STAG3: variants seen among roughly 807,000 people sequenced by gnomAD.
The protein encoded by STAG3 is STAG3 cohesin complex component.
Under a neutral mutation model 160.7 loss-of-function variants are expected in STAG3, and 101 were observed. The ratio of observed to expected loss-of-function variants is 0.63; its 90% confidence interval spans 0.54 to 0.74. The LOEUF is 0.74. Among genes scored for constraint, STAG3 ranks in the 30% least tolerant of loss-of-function variants. STAG3 has a pLI of 0.00. For missense variants in STAG3, 1,188 were observed against 1,517.4 expected (o/e 0.78, Z 3.61); for synonymous variants, 519 against 585.0 (o/e 0.89, Z 1.63).
intron 1 of STAG3, among the ~76,000 whole-genome samples, chr7:100,178,259 G>A (rs1022840512): frequency 5.3e-5 from 8 of 152,240 alleles, no homozygotes; most frequent in Non-Finnish European, 8.8e-5. Flanking sequence ...AGGGGCAGTC[G>A]TAGATATTTT....
At chr7:100,203,920 T>G (rs1584743716) in intron 25 of STAG3, 101 bp from the exon 26 acceptor site, 2 of 746,402 alleles carry the variant, frequency 2.7e-6, no homozygotes, top group Non-Finnish European at 4.7e-6. Flanking sequence ...GTTTCCTACC[T>G]AAGGGAGTTT....
intron 4 of STAG3, among the ~76,000 whole-genome samples, chr7:100,183,605 C>T (rs1799791726): frequency 6.6e-6 from 1 of 152,192 alleles, no homozygotes; most frequent in East Asian, 1.9e-4. Context: ...CTAGCCCCAG[C>T]TCAAGAAATG....
chr7:100,216,217 G>T (rs1802737514), downstream of STAG3, among the ~76,000 whole-genome samples: 1 of 152,190 alleles, frequency 6.6e-6, no homozygotes, highest in Non-Finnish European at 1.5e-5. Flanking sequence ...CAGTCTGGAG[G>T]GGTTTGTTAT....
At position 100,213,997 on chromosome 7, in the gene STAG3, C is replaced by A. The variant is rs1360283975; in HGVS notation, c.3673-10C>A. 1.9e-6 allele frequency: 3 copies of A among 1,614,162 alleles called. No individual in the cohort carries two copies. The highest frequency in any genetic ancestry group is 2.5e-6 in the Non-Finnish European group (3 of 1,180,040). The stretch of plus-strand genomic sequence containing the variant: ...TGTCCTGTGTATTCCTTTCATCTTT[C>A]TCATTATAGGATTTCTGACAGGACT... On this transcript the variant is annotated splice_polypyrimidine_tract_variant and intron_variant, in intron 33 of 33. Transcript: ENST00000615138.
intron 5 of STAG3, 86 bp from the exon 6 acceptor site, chr7:100,188,367 T>G (rs888811230): frequency 2.1e-6 from 2 of 930,694 alleles, no homozygotes; most frequent in Non-Finnish European, 3.6e-6. Context: ...GCAGAATGTT[T>G]CCTTGCTCAT....
At chr7:100,212,223 C>G (rs1354956978) in intron 32 of STAG3, 1 of 198,662 alleles carries the variant, frequency 5.0e-6, no homozygotes, top group Admixed American at 5.4e-5. Context: ...TTCAGTGTCT[C>G]TCCCCACAAA....
At chr7:100,187,191 G>T (rs559338455) in intron 5 of STAG3, among the ~76,000 whole-genome samples, 3 of 151,864 alleles carry the variant, frequency 2.0e-5, no homozygotes, top group Admixed American at 6.6e-5. Flanking sequence ...GCCACCATAC[G>T]TGGCTAATTT....
intron 26 of STAG3, among the ~76,000 whole-genome samples, 164 bp downstream of exon 26, chr7:100,204,286 A>ATT: frequency 6.7e-6 from 1 of 149,646 alleles, no homozygotes; most frequent in East Asian, 2.0e-4. Flanking sequence ...CTTGGGAAGT[A>ATT]TTTTTTTTTT....
chr7:100,200,991 T>C (rs773415212), intron 19 of STAG3, 22 bp downstream of exon 19: 4 of 1,613,952 alleles, frequency 2.5e-6, no homozygotes, highest in Admixed American at 1.7e-5. Context: ...GGCTGGACAA[T>C]GGGACACCCC....
chr7:100,210,406 CCTCCTCTACCTT>C (rs1226540590), intron 29 of STAG3, among the ~76,000 whole-genome samples: 1 of 152,166 alleles, frequency 6.6e-6, no homozygotes, highest in African/African-American at 2.4e-5. Flanking sequence ...GATTCTTTCT[CCTCCTCTACCTT>C]CTCCAATCTC....
chr7:100,212,918 A>G (rs1802386489), intron 32 of STAG3: 4 of 152,964 alleles, frequency 2.6e-5, no homozygotes, highest in Admixed American at 6.5e-5. Flanking sequence ...AATAAATAAA[A>G]TGGACCTTTT....
At position 100,198,395 on chromosome 7, in the gene STAG3, G is replaced by C. The variant is rs1259180488; in HGVS notation, c.1245-80G>C. 8 of 1,475,992 alleles carry C rather than the reference G, an allele frequency of 5.4e-6. No individual in the cohort carries two copies. The Admixed American group carries it at 1.2e-4, about 22-fold the overall frequency. The allele number at this position is 1,475,992 out of a possible 1,614,324, so 91.4% of individuals were successfully genotyped here. Reference sequence around the variant, plus strand: ...TGTGAGTTATGTCCTTGTTGCTTTTGCCTCTTTTTGTTTCTAGCCTTGGTT... The same window carrying C: ...TGTGAGTTATGTCCTTGTTGCTTTTCCCTCTTTTTGTTTCTAGCCTTGGTT... On this transcript the variant is annotated intron_variant, in intron 12 of 33. Transcript: ENST00000615138.
In STAG3 at chr7:100,205,106, G is replaced by A. The variant is rs746271999; in HGVS notation, c.3053G>A (p.Arg1018Gln). The change falls in exon 28 of 34, where the codon CGA (arginine) becomes CAA (glutamine). Residue 1018 changes from arginine to glutamine, a missense_variant. Arg to Gln is a conservative substitution (Grantham distance 43). This residue lies in a region of STAG3 where 647 missense variants were observed against 717.2 expected (regional missense o/e 0.90). Transcript: ENST00000615138. ...FLELLSEFSP[R>Q]LFHQDKQLLL... ...GAGCTCCTTTCAGAGTTTTCCCCCCGACTCTTCCATCAGGACAAGCAGCTT... is the reference window on the plus strand; with the variant it reads ...GAGCTCCTTTCAGAGTTTTCCCCCCAACTCTTCCATCAGGACAAGCAGCTT... 291 of 1,614,010 alleles carry A rather than the reference G, an allele frequency of 1.8e-4. No individual in the cohort carries two copies. The highest frequency in any genetic ancestry group is 2.2e-4 in the Non-Finnish European group (256 of 1,180,024).
chr7:100,190,334 A>G (rs567756816), intron 8 of STAG3, among the ~76,000 whole-genome samples: 2 of 152,232 alleles, frequency 1.3e-5, no homozygotes, highest in East Asian at 1.9e-4. Flanking sequence ...GACCCCTCCT[A>G]TGAGGTTGGC....
At chr7:100,208,491 C>T (rs1801866845) in intron 29 of STAG3, among the ~76,000 whole-genome samples, 1 of 152,004 alleles carries the variant, frequency 6.6e-6, no homozygotes, top group East Asian at 1.9e-4. Context: ...AGAGCTTTAC[C>T]AAGAAGATGG....
At chr7:100,179,288 A>G (rs1380556502) in intron 1 of STAG3, among the ~76,000 whole-genome samples, 1 of 132,588 alleles carries the variant, frequency 7.5e-6, no homozygotes. Flanking sequence ...GGTGTGTCTC[A>G]TGTTGCCAAG....
At chr7:100,187,106 A>G (rs1800055431) in intron 5 of STAG3, among the ~76,000 whole-genome samples, 1 of 151,690 alleles carries the variant, frequency 6.6e-6, no homozygotes, top group Non-Finnish European at 1.5e-5. Context: ...ATCTCGGCTC[A>G]CTGCAACCTC....
At position 100,202,242 on chromosome 7, in the gene STAG3, T is replaced by G. The variant is rs1259946848; in HGVS notation, c.2465T>G (p.Leu822Arg). 1 of 1,614,206 alleles carries G rather than the reference T, an allele frequency of 6.2e-7. No homozygotes were observed. The highest frequency in any genetic ancestry group is 1.7e-5 in the Admixed American group (1 of 60,022). Reference protein sequence around the residue: ...PQMIVGGRDFLRPLVFFPEAT... With the variant: ...PQMIVGGRDFRRPLVFFPEAT... The stretch of plus-strand genomic sequence containing the variant: ...ATGATTGTTGGGGGCCGTGATTTCC[T>G]TAGGCCACTTGTCTTTTTTCCTGAA... The change falls in exon 24 of 34, where the codon CTT (leucine) becomes CGT (arginine). Residue 822 changes from leucine (L) to arginine (R), a missense_variant. Physicochemically the swap from Leu to Arg is moderately radical, Grantham distance 102. Around this residue, in one of 4 missense-constraint regions of STAG3, gnomAD observed 647 missense variants for 717.2 expected, o/e 0.90. Coordinates refer to ENST00000615138, the MANE Select transcript of STAG3 (RefSeq NM_001282717.2).
Position 100,195,290 on chromosome 7 carries a change from G to C in STAG3, c.868-19G>C, listed in dbSNP as rs377446408. On this transcript the variant is annotated intron_variant, in intron 8 of 33. Transcript: ENST00000615138. Reference sequence around the variant, plus strand: ...GTTAGGGTACAAGAAAGATTAACCCGTTTCTCCCTGTCCTCCAGCTCCAAG... The same window carrying C: ...GTTAGGGTACAAGAAAGATTAACCCCTTTCTCCCTGTCCTCCAGCTCCAAG... The C allele has an allele frequency of 1.2e-6, 2 of 1,612,608 alleles. No homozygotes were observed. Among genetic ancestry groups the C allele is most frequent in the African/African-American group, 2.7e-5 (2 of 74,888 alleles).
Sources: allele counts gnomAD v4.1 joint callset (sites outside exome capture counted in the v4.1 genomes callset), GRCh38; gene constraint gnomAD v4.1.1; regional missense constraint gnomAD v4.1.1; transcripts MANE v1.5; gene names NCBI Gene and HGNC (gene_info 2026-07-23, HGNC 2026-07-21).